Variants in COL5A2 observed in about 807,000 individuals in gnomAD.
The protein encoded by COL5A2 is collagen type V alpha 2 chain.
A neutral mutation model predicts 208.2 loss-of-function variants in COL5A2; 23 were observed. That is an observed-to-expected ratio of 0.11 (90% confidence interval 0.08 to 0.16). The LOEUF (loss-of-function observed/expected upper bound fraction) is 0.16, where lower values mean the gene tolerates loss of function less well. COL5A2 is among the 10% of genes least tolerant of loss of function. COL5A2 has a pLI of 1.00. For missense variants in COL5A2, 1,590 were observed against 1,956.4 expected (o/e 0.81, Z 3.53); for synonymous variants, 625 against 628.5 (o/e 0.99, Z 0.08).
intron 5 of COL5A2, among the ~76,000 whole-genome samples, 169 bp downstream of exon 5, chr2:189,098,558 C>G (rs1686969396): frequency 6.6e-6 from 1 of 152,214 alleles, no homozygotes; most frequent in South Asian, 2.1e-4. Context: ...ATCTACCATT[C>G]ATTGCTGCAA....
At chr2:189,271,258 T>C in the COL5A2 span, among the ~76,000 whole-genome samples, 1 of 152,120 alleles carries the variant, frequency 6.6e-6, no homozygotes, top group African/African-American at 2.4e-5. Flanking sequence ...CTTCAAACTG[T>C]ACTACAAGAT....
chr2:189,283,069 CA>C, the COL5A2 span, among the ~76,000 whole-genome samples: 1 of 151,892 alleles, frequency 6.6e-6, no homozygotes, highest in Admixed American at 6.6e-5. Context: ...CCTGTGGCAA[CA>C]AAATAGGTAA....
chr2:189,211,164 G>A (rs548686175), intron 1 of COL5A2, among the ~76,000 whole-genome samples: 1 of 152,154 alleles, frequency 6.6e-6, no homozygotes, highest in African/African-American at 2.4e-5. Context: ...GTTATGATTT[G>A]TTTAACAGGC....
chr2:189,090,045 G>A (rs1290455134), intron 7 of COL5A2, among the ~76,000 whole-genome samples: 3 of 152,246 alleles, frequency 2.0e-5, no homozygotes, highest in African/African-American at 7.2e-5. Context: ...AGTAAGGAAG[G>A]CATATTGAAA....
intron 1 of COL5A2, among the ~76,000 whole-genome samples, chr2:189,160,389 T>C (rs1287386136): frequency 1.3e-5 from 2 of 152,210 alleles, no homozygotes; most frequent in African/African-American, 4.8e-5. Context: ...AGAAAGCCTT[T>C]CTATATCTTG....
At chr2:189,152,137 C>T (rs544857797) in intron 1 of COL5A2, among the ~76,000 whole-genome samples, 2 of 152,244 alleles carry the variant, frequency 1.3e-5, no homozygotes, top group Admixed American at 1.3e-4. Flanking sequence ...TCATTCAATC[C>T]TTACACACTG....
intron 47 of COL5A2, among the ~76,000 whole-genome samples, chr2:189,044,226 T>C (rs1461963158): frequency 6.6e-6 from 1 of 152,200 alleles, no homozygotes; most frequent in Non-Finnish European, 1.5e-5. Context: ...TTTTCCCTTA[T>C]TGTTTTGATT....
chr2:189,347,697 C>A, the COL5A2 span, among the ~76,000 whole-genome samples: 2 of 152,132 alleles, frequency 1.3e-5, no homozygotes, highest in African/African-American at 4.8e-5. Context: ...AGATTCCTGC[C>A]AAACCACTGG....
the COL5A2 span, among the ~76,000 whole-genome samples, chr2:189,282,936 T>C: frequency 1.3e-5 from 2 of 152,132 alleles, no homozygotes; most frequent in African/African-American, 4.8e-5. Context: ...ATAACATGTA[T>C]CATATTTTCT....
chr2:189,325,757 TG>T, the COL5A2 span, among the ~76,000 whole-genome samples: 2 of 152,134 alleles, frequency 1.3e-5, no homozygotes, highest in Non-Finnish European at 2.9e-5. Flanking sequence ...GAACTATATA[TG>T]GGTGTTCCTC....
At chr2:189,371,034 A>G in the COL5A2 span, among the ~76,000 whole-genome samples, 1 of 152,116 alleles carries the variant, frequency 6.6e-6, no homozygotes, top group Admixed American at 6.5e-5. Flanking sequence ...CCTTGGTGAT[A>G]AGTGAGTTCT....
At chr2:189,400,088 CTTTT>C in the COL5A2 span, among the ~76,000 whole-genome samples, 1 of 151,926 alleles carries the variant, frequency 6.6e-6, no homozygotes, top group Non-Finnish European at 1.5e-5. Context: ...TTATGTTTTT[CTTTT>C]TTGTTTGTTG....
intron 1 of COL5A2, among the ~76,000 whole-genome samples, chr2:189,174,674 A>G (rs1041967183): frequency 6.6e-6 from 1 of 152,186 alleles, no homozygotes; most frequent in Non-Finnish European, 1.5e-5. Flanking sequence ...AGGGGTCTAG[A>G]ATCTATATTA....
intron 6 of COL5A2, chr2:189,095,184 A>C (rs557213363): frequency 5.9e-4 from 90 of 152,434 alleles, no homozygotes; most frequent in African/African-American, 2.0e-3. Context: ...ATATTGTGAC[A>C]GCCATAATTT....
At chr2:189,172,289 G>C (rs1277074360) in intron 1 of COL5A2, among the ~76,000 whole-genome samples, 1 of 152,158 alleles carries the variant, frequency 6.6e-6, no homozygotes, top group Non-Finnish European at 1.5e-5. Context: ...GATGGAACAA[G>C]TTCCTCAGGG....
chr2:189,132,533 CAAT>C (rs1389384281), intron 1 of COL5A2, among the ~76,000 whole-genome samples: 1 of 152,070 alleles, frequency 6.6e-6, no homozygotes, highest in Non-Finnish European at 1.5e-5. Flanking sequence ...TATTGAAAAA[CAAT>C]GAGTGAAATT....
chr2:189,332,323 C>T, the COL5A2 span, among the ~76,000 whole-genome samples: 3 of 152,146 alleles, frequency 2.0e-5, no homozygotes, highest in Non-Finnish European at 2.9e-5. Flanking sequence ...CTATAACCAA[C>T]CTCTCCAGAA....
At chr2:189,263,921 C>A in the COL5A2 span, among the ~76,000 whole-genome samples, 6 of 152,042 alleles carry the variant, frequency 3.9e-5, no homozygotes, top group Non-Finnish European at 8.8e-5. Flanking sequence ...TGACACATAA[C>A]TATACTTTCA....
the COL5A2 span, among the ~76,000 whole-genome samples, chr2:189,383,685 T>C: frequency 6.6e-6 from 1 of 152,130 alleles, no homozygotes; most frequent in Admixed American, 6.6e-5. Flanking sequence ...ATAATAAGCA[T>C]ACAATGTGTA....
Sources: allele counts gnomAD v4.1 joint callset (sites outside exome capture counted in the v4.1 genomes callset), GRCh38; gene constraint gnomAD v4.1.1; transcripts MANE v1.5; gene names NCBI Gene and HGNC (gene_info 2026-07-23, HGNC 2026-07-21).